The following IGF2R variants were observed in gnomAD, a reference collection of about 807,000 sequenced individuals.
IGF2R encodes insulin like growth factor 2 receptor, also known as cation-independent mannose-6-phosphate receptor.
A neutral mutation model predicts 270.6 loss-of-function variants in IGF2R; 91 were observed. The ratio of observed to expected loss-of-function variants is 0.34; its 90% CI spans 0.28 to 0.40. The LOEUF (loss-of-function observed/expected upper bound fraction) is 0.40. IGF2R is among the 10% of genes least tolerant of loss of function. IGF2R has a pLI of 1.00. For missense variants in IGF2R, 2,805 were observed against 3,188.3 expected, an observed-to-expected ratio of 0.88 and a Z score of 2.90; for synonymous variants, 1,316 against 1,258.9, an observed-to-expected ratio of 1.05 and a Z score of -0.96.
At chr6:160,021,495 A>G (rs1777433954) in intron 4 of IGF2R, among the ~76,000 whole-genome samples, 1 of 150,790 alleles carries the variant, frequency 6.6e-6, no homozygotes, top group Non-Finnish European at 1.5e-5. Context: ...CTAATGCTAA[A>G]TGACGAGTTA....
intron 14 of IGF2R, among the ~76,000 whole-genome samples, 167 bp from the exon 15 acceptor site, chr6:160,046,331 G>A (rs1048129389): frequency 1.3e-5 from 2 of 152,088 alleles, no homozygotes; most frequent in Non-Finnish European, 2.9e-5. Flanking sequence ...GTTAGTAATC[G>A]CGGTTCTGGT....
intron 29 of IGF2R, among the ~76,000 whole-genome samples, chr6:160,065,155 C>T (rs1210546705): frequency 6.6e-6 from 1 of 152,204 alleles, no homozygotes; most frequent in Admixed American, 6.5e-5. Context: ...CTTGCGTGAT[C>T]CACATGTCAG....
At position 160,050,352 on chromosome 6, in the gene IGF2R, G is replaced by A. The variant is rs1458807501; in HGVS notation, c.2515-121G>A. 2 of 982,570 alleles carry A rather than the reference G, an allele frequency of 2.0e-6. No homozygotes were observed. Among genetic ancestry groups the A allele is most frequent in the Non-Finnish European group, 3.1e-6 (2 of 655,284 alleles). 60.9% of individuals were successfully genotyped at this position (982,570 alleles called of 1,614,324 possible). ...ATGTAATAAGGGGATTTCCCCAGGAGCAGTGGTTCTGTATTCAATAATTCA... is the reference window on the plus strand; with the variant it reads ...ATGTAATAAGGGGATTTCCCCAGGAACAGTGGTTCTGTATTCAATAATTCA... On this transcript the variant is annotated intron_variant, in intron 18 of 47. Transcript: ENST00000356956. The surrounding 1 kb of genome is among the most constrained non-coding windows in gnomAD (Gnocchi z 4.0).
intron 26 of IGF2R, 82 bp from the exon 27 acceptor site, chr6:160,063,333 G>A (rs1053920146): frequency 1.7e-5 from 19 of 1,120,398 alleles, no homozygotes; most frequent in African/African-American, 6.1e-5. Flanking sequence ...CACTGCGCCC[G>A]GCCATTTGTA....
Position 160,089,166 on chromosome 6 carries a change from T to C in IGF2R, c.6380T>C (p.Val2127Ala). Residue 2127 changes from valine to alanine, a missense_variant, in exon 43 of 48, where the codon GTG becomes GCG. Physicochemically the swap from Val to Ala is moderately conservative, Grantham distance 64. Transcript: ENST00000356956. The stretch of plus-strand genomic sequence containing the variant: ...TGGGACTCCCGGGCTGCCTGCGCCG[T>C]GAAGCCTCAGGAGGTGCAGATGGTG... Reference protein sequence around the residue: ...FSWDSRAACAVKPQEVQMVNG... With the variant: ...FSWDSRAACAAKPQEVQMVNG... 2 of 1,614,120 alleles carry C rather than the reference T, an allele frequency of 1.2e-6. No homozygotes were observed. The highest frequency in any genetic ancestry group is 1.7e-6 in the Non-Finnish European group (2 of 1,179,952).
rs775466071 is a variant in IGF2R, at chr6:160,072,801, C to T, written c.4607C>T (p.Ala1536Val). ...GATCTGAGCTCCTTAAGTGGCAGGGCGGGATTCACAGCTGCTTACAGCGAG... is the reference window on the plus strand; with the variant it reads ...GATCTGAGCTCCTTAAGTGGCAGGGTGGGATTCACAGCTGCTTACAGCGAG... Reference protein sequence around the residue: ...LFDLSSLSGRAGFTAAYSEKG... With the variant: ...LFDLSSLSGRVGFTAAYSEKG... The change falls in exon 33 of 48, where the codon GCG becomes GTG. Residue 1536 changes from alanine to valine, a missense_variant. Ala to Val is a moderately conservative substitution (Grantham distance 64). This residue lies in a region of IGF2R where 1,851 missense variants were observed against 2,207.2 expected (regional missense o/e 0.84). Transcript: ENST00000356956. The T allele has an allele frequency of 6.2e-6, 10 of 1,614,016 alleles. No individual in the cohort carries two copies. The highest frequency in any genetic ancestry group is 4.0e-5 in the African/African-American group (3 of 74,920).
chr6:160,044,976 A>T (rs764687494), intron 13 of IGF2R, among the ~76,000 whole-genome samples: 1 of 152,228 alleles, frequency 6.6e-6, no homozygotes, highest in Non-Finnish European at 1.5e-5. Flanking sequence ...AGGGGAAAAA[A>T]ATCATAAATG....
At chr6:160,070,379 G>T (rs978008149) in intron 31 of IGF2R, among the ~76,000 whole-genome samples, 3 of 152,192 alleles carry the variant, frequency 2.0e-5, no homozygotes, top group African/African-American at 2.4e-5. Flanking sequence ...GCGGCAGCTT[G>T]GGAAGCACGA....
chr6:160,080,176 A>G lies in IGF2R; in HGVS notation c.5734A>G (p.Lys1912Glu), dbSNP rs1268085517. 10 of 1,614,040 alleles carry G rather than the reference A, an allele frequency of 6.2e-6. No individual in the cohort carries two copies. The highest frequency in any genetic ancestry group is 8.5e-6 in the Non-Finnish European group (10 of 1,180,014). The change falls in exon 39 of 48, where the codon AAG becomes GAG. Residue 1912 changes from lysine (K) to glutamate (E), a missense_variant. Lys to Glu is a moderately conservative substitution (Grantham distance 56). Around this residue, in one of 2 missense-constraint regions of IGF2R, gnomAD observed 1,851 missense variants for 2,207.2 expected, o/e 0.84. Coordinates refer to ENST00000356956, the MANE Select transcript of IGF2R (RefSeq NM_000876.4). The stretch of plus-strand genomic sequence containing the variant: ...TGTCTTCCCCTTCATATTCAATGGG[A>G]AGAGCTACGAGGAGTGCATCATAGA... ...PCVFPFIFNG[K>E]SYEECIIESR...
At position 160,072,834 on chromosome 6, in the gene IGF2R, TG is replaced by T; in HGVS notation, c.4642del (p.Val1548PhefsTer3). The T allele has an allele frequency of 6.2e-7, 1 of 1,614,202 alleles. No homozygotes were observed. The highest frequency in any genetic ancestry group is 2.2e-5 in the East Asian group (1 of 44,880). ...ACAGCTGCTTACAGCGAGAAGGGGT[TG>T]GTTTACATGAGCATCTGTGGGGAGA... is the stretch of plus-strand genomic sequence containing the variant. ...GFTAAYSEKG[L>X]VYMSICGENE... On this transcript the variant is annotated frameshift_variant, in exon 33 of 48. Transcript: ENST00000356956. LOFTEE classifies it high-confidence loss of function.
At chr6:160,060,341 G>T (rs192538205) in intron 22 of IGF2R, among the ~76,000 whole-genome samples, 1 of 152,260 alleles carries the variant, frequency 6.6e-6, no homozygotes, top group South Asian at 2.1e-4. Flanking sequence ...GTGTAAACCT[G>T]TCATAGGCCA....
intron 2 of IGF2R, among the ~76,000 whole-genome samples, chr6:159,993,667 T>C (rs978232862): frequency 1.3e-5 from 2 of 152,206 alleles, no homozygotes; most frequent in Non-Finnish European, 2.9e-5. Context: ...CCTCCAGCTT[T>C]GTTCTTTTTG....
chr6:160,027,317 C>T lies in IGF2R; in HGVS notation c.776+3C>T. The T allele has an allele frequency of 1.2e-6, 2 of 1,609,130 alleles. No homozygotes were observed. The highest frequency in any genetic ancestry group is 1.7e-6 in the Non-Finnish European group (2 of 1,177,746). On this transcript the variant is annotated splice_donor_region_variant and intron_variant, in intron 6 of 47. Transcript: ENST00000356956. ...CTGAAGCTGGTGCGCAAGGACAGGT[C>T]AGTCAAGGCCTCCGATGCTGTTGGC...
intron 1 of IGF2R, among the ~76,000 whole-genome samples, chr6:159,981,204 G>T (rs1487601622): frequency 6.6e-6 from 1 of 152,230 alleles, no homozygotes; most frequent in Non-Finnish European, 1.5e-5. Context: ...GCAGGCCAGA[G>T]TGGCATCCTT....
rs562128670 is a variant in IGF2R at position 160,079,757 on chromosome 6, A to G, written c.5656A>G (p.Ser1886Gly). The change falls in exon 38 of 48, where the codon AGT (serine) becomes GGT (glycine). Residue 1886 changes from serine to glycine, a missense_variant. Around this residue, in one of 2 missense-constraint regions of IGF2R, gnomAD observed 1,851 missense variants for 2,207.2 expected, o/e 0.84. Coordinates refer to ENST00000356956, the MANE Select transcript of IGF2R (RefSeq NM_000876.4). ...YRHQDEAVVL[S>G]YVNGDRCPPE... is the part of the protein sequence containing the mutation. ...GCACCAGGATGAAGCGGTCGTTTTA[A>G]GTTACGTGAATGGTGATCGTTGCCC... is the stretch of plus-strand genomic sequence containing the variant. The G allele has an allele frequency of 6.8e-7, 1 of 1,466,488 alleles. No individual in the cohort carries two copies. The highest frequency in any genetic ancestry group is 1.4e-5 in the African/African-American group (1 of 70,334). 90.8% of individuals were successfully genotyped at this position (1,466,488 alleles called of 1,614,324 possible).
chr6:160,105,072 C>A lies in IGF2R; in HGVS notation c.7464C>A (p.Leu2488=). ...VSFHDDSDED[L]LHI is the part of the protein sequence containing the mutation. ...TCCATGACGACAGCGACGAGGACCTCTTACACATCTGACTCCGCAGTGCCT... is the reference window on the plus strand; with the variant it reads ...TCCATGACGACAGCGACGAGGACCTATTACACATCTGACTCCGCAGTGCCT... The change falls in exon 48 of 48, where the codon CTC becomes CTA. Residue 2488 remains leucine (L), a synonymous_variant. Transcript: ENST00000356956. 1 of 1,583,854 alleles carries A rather than the reference C, an allele frequency of 6.3e-7. No homozygotes were observed. Among genetic ancestry groups the A allele is most frequent in the East Asian group, 2.3e-5 (1 of 44,168 alleles).
chr6:160,110,730 T>C lies in IGF2R; in HGVS notation c.*5646T>C, dbSNP rs1230347490. The C allele has an allele frequency of 6.6e-6, 1 of 152,228 alleles. No individual in the cohort carries two copies. The allele number at this position is 152,228 out of a possible 1,614,324, so 9.4% of individuals were successfully genotyped here. On this transcript the variant is annotated 3_prime_UTR_variant, in exon 48 of 48. Coordinates refer to ENST00000356956, the MANE Select transcript of IGF2R (RefSeq NM_000876.4). The stretch of plus-strand genomic sequence containing the variant: ...GTATGTATACACACACACAGTGGAA[T>C]ACCAAGTCTTGCAGAAGAAGGAAAT...
intron 44 of IGF2R, chr6:160,095,272 A>G (rs1240950317): frequency 6.6e-6 from 1 of 152,458 alleles, no homozygotes; most frequent in Non-Finnish European, 1.5e-5. Context: ...GGCTTTTTGA[A>G]CAAGGAGGCT....
At chr6:160,031,709 A>C (rs764246774) in intron 7 of IGF2R, among the ~76,000 whole-genome samples, 1 of 152,186 alleles carries the variant, frequency 6.6e-6, no homozygotes, top group African/African-American at 2.4e-5. Context: ...CAGCTCTGCA[A>C]CTTACTAATT....
Sources: allele counts gnomAD v4.1 joint callset (sites outside exome capture counted in the v4.1 genomes callset), GRCh38; gene constraint gnomAD v4.1.1; regional missense constraint gnomAD v4.1.1; non-coding constraint Gnocchi (gnomAD v3.1); transcripts MANE v1.5; gene names NCBI Gene and HGNC (gene_info 2026-07-23, HGNC 2026-07-21).